Variants in MTDH observed in about 807,000 individuals in gnomAD.
MTDH encodes protein LYRIC.
In MTDH, 34 loss-of-function variants were observed where a neutral mutation model predicts 72.7. The ratio of observed to expected loss-of-function variants is 0.47; its 90% CI spans 0.36 to 0.62. The LOEUF is 0.62. Among genes scored for constraint, MTDH ranks in the 20% least tolerant of loss-of-function variants. The probability of loss-of-function intolerance (pLI) is 0.00; values close to 1 mark genes in which losing one functional copy is unlikely to be tolerated. For synonymous variants in MTDH, 266 were observed against 268.9 expected (o/e 0.99, Z 0.10); for missense variants, 677 against 699.4 (o/e 0.97, Z 0.36).
At chr8:97,697,150 A>ATATATATATATATTT in intron 6 of MTDH, among the ~76,000 whole-genome samples, 78 of 68,626 alleles carry the variant, frequency 1.1e-3, no homozygotes, top group East Asian at 0.01. Context: ...ATATATATAT[A>ATATATATATATATTT]TTTTTTTTTT....
chr8:97,665,357 T>G (rs1374043755), intron 2 of MTDH, among the ~76,000 whole-genome samples: 1 of 152,176 alleles, frequency 6.6e-6, no homozygotes, highest in African/African-American at 2.4e-5. Flanking sequence ...CAGTGTTTCA[T>G]TAGTACTAGT....
chr8:97,655,538 C>G (rs773187503), intron 1 of MTDH, among the ~76,000 whole-genome samples: 29 of 152,250 alleles, frequency 1.9e-4, no homozygotes, highest in Non-Finnish European at 3.8e-4. Context: ...TGATGGATGC[C>G]TGTCCAGGCC....
chr8:97,671,013 C>T (rs576509705), intron 2 of MTDH, among the ~76,000 whole-genome samples: 179 of 131,592 alleles, frequency 1.4e-3, no homozygotes, highest in Non-Finnish European at 2.2e-3. Flanking sequence ...GGCCGGACTG[C>T]GGACTGCAGT....
chr8:97,689,095 C>T lies in MTDH; in HGVS notation c.803C>T (p.Thr268Ile). The change falls in exon 5 of 12, where the codon ACA (threonine) becomes ATA (isoleucine). Residue 268 changes from threonine (T) to isoleucine (I), a missense_variant. Around this residue, in one of 3 missense-constraint regions of MTDH, gnomAD observed 467 missense variants for 469.1 expected, o/e 1.00. Transcript: ENST00000336273. ...SNFKSGKGDSTLQVSSGLNEN... is the reference protein window; with the variant it reads ...SNFKSGKGDSILQVSSGLNEN... ...TTTAAATCTGGAAAAGGAGATTCTACACTTCAGGGTGAGAGAAATTACATG... is the reference window on the plus strand; with the variant it reads ...TTTAAATCTGGAAAAGGAGATTCTATACTTCAGGGTGAGAGAAATTACATG... 1 of 1,577,018 alleles carries T rather than the reference C, an allele frequency of 6.3e-7. No individual in the cohort carries two copies. Among genetic ancestry groups the T allele is most frequent in the Non-Finnish European group, 8.7e-7 (1 of 1,153,692 alleles).
chr8:97,662,416 A>G (rs1812209338), intron 2 of MTDH, among the ~76,000 whole-genome samples: 1 of 151,838 alleles, frequency 6.6e-6, no homozygotes, highest in Non-Finnish European at 1.5e-5. Flanking sequence ...AAACAAAACA[A>G]GACAGTCACT....
intron 2 of MTDH, among the ~76,000 whole-genome samples, chr8:97,674,627 A>C (rs1413228355): frequency 6.6e-6 from 1 of 152,236 alleles, no homozygotes; most frequent in Non-Finnish European, 1.5e-5. Context: ...AAGCAATTTT[A>C]ATTTTATCAA....
At chr8:97,667,954 T>C (rs1812457068) in intron 2 of MTDH, among the ~76,000 whole-genome samples, 1 of 152,084 alleles carries the variant, frequency 6.6e-6, no homozygotes, top group Non-Finnish European at 1.5e-5. Context: ...AAATGTAATT[T>C]TAAAAAATAT....
chr8:97,644,909 G>T (rs781386880), intron 1 of MTDH, 22 bp downstream of exon 1: 23 of 1,516,460 alleles, frequency 1.5e-5, no homozygotes, highest in Non-Finnish European at 1.8e-5. Context: ...ATGAGCGGCA[G>T]TAGAGAACGG....
At chr8:97,673,570 G>A (rs935924043) in intron 2 of MTDH, among the ~76,000 whole-genome samples, 13 of 151,394 alleles carry the variant, frequency 8.6e-5, no homozygotes, top group African/African-American at 3.2e-4. Context: ...TGAGGCAGGA[G>A]AATCATTTGA....
At chr8:97,659,897 G>A (rs1812113878) in intron 1 of MTDH, among the ~76,000 whole-genome samples, 1 of 152,168 alleles carries the variant, frequency 6.6e-6, no homozygotes, top group African/African-American at 2.4e-5. Context: ...GGTGGCTCAC[G>A]CCTGTAATCC....
chr8:97,670,609 C>T (rs923844590), intron 2 of MTDH, among the ~76,000 whole-genome samples: 2 of 152,150 alleles, frequency 1.3e-5, no homozygotes, highest in South Asian at 2.1e-4. Context: ...GGTGACAGAG[C>T]GAGACTCCGT....
At chr8:97,668,246 C>A (rs1239255671) in intron 2 of MTDH, among the ~76,000 whole-genome samples, 1 of 152,024 alleles carries the variant, frequency 6.6e-6, no homozygotes, top group Admixed American at 6.5e-5. Flanking sequence ...CAAATCGCAT[C>A]ACTATACTCC....
In MTDH at chr8:97,671,792, C is replaced by T. The variant is rs144219787; in HGVS notation, c.483+10619C>T. Reference sequence around the variant, plus strand: ...CCAGGAGGCAGAGGTTGCAGTGAGCCGAGATCGTGCCACTGCCCTCCAGCC... The same window carrying T: ...CCAGGAGGCAGAGGTTGCAGTGAGCTGAGATCGTGCCACTGCCCTCCAGCC... On this transcript the variant is annotated intron_variant, in intron 2 of 11. Transcript: ENST00000336273. Among the ~76,000 whole-genome samples the T allele has an allele frequency of 2.7e-3, 413 of 152,086 alleles. 2 individuals carry two copies. The highest frequency in any genetic ancestry group is 9.4e-3 in the African/African-American group (389 of 41,480).
At chr8:97,672,307 C>G (rs1340232878) in intron 2 of MTDH, among the ~76,000 whole-genome samples, 4 of 152,122 alleles carry the variant, frequency 2.6e-5, no homozygotes, top group Non-Finnish European at 5.9e-5. Context: ...TTTCCCCCTT[C>G]CTGAACCTAT....
rs1174573079 is a variant in MTDH at position 97,708,581 on chromosome 8, CTTTTTTTTTTTTTTTTTTTT to C, written c.1272+1850_1272+1869del. 3.0e-4 allele frequency among the ~76,000 whole-genome samples: 9 copies of C among 30,258 alleles called. No homozygotes were observed. The East Asian group carries it at 5.4e-3, about 18-fold the overall frequency. The allele number at this position is 30,258 out of a possible 152,430, so 19.9% of individuals were successfully genotyped here. On this transcript the variant is annotated intron_variant, in intron 8 of 11. Coordinates refer to ENST00000336273, the MANE Select transcript of MTDH (RefSeq NM_178812.4). ...ACAGGCATGAGCCACCATGCCAGGC[CTTTTTTTTTTTTTTTTTTTT>C]TTTTTTTTTTTTTTTTTTGAGATGG... is the stretch of plus-strand genomic sequence containing the variant.
chr8:97,712,074 G>A (rs1814661760), intron 8 of MTDH, among the ~76,000 whole-genome samples: 1 of 152,226 alleles, frequency 6.6e-6, no homozygotes, highest in Non-Finnish European at 1.5e-5. Flanking sequence ...GTCTTGCTCT[G>A]TTACCCAGGC....
At chr8:97,697,150 A>ATATATTTTTTTTTTTT in intron 6 of MTDH, among the ~76,000 whole-genome samples, 6 of 68,792 alleles carry the variant, frequency 8.7e-5, no homozygotes, top group African/African-American at 5.5e-4. Context: ...ATATATATAT[A>ATATATTTTTTTTTTTT]TTTTTTTTTT....
At chr8:97,702,247 G>T (rs1814161905) in intron 7 of MTDH, among the ~76,000 whole-genome samples, 1 of 152,174 alleles carries the variant, frequency 6.6e-6, no homozygotes, top group Admixed American at 6.5e-5. Context: ...ATGTTGAATA[G>T]AACTTTTTCT....
intron 7 of MTDH, among the ~76,000 whole-genome samples, chr8:97,701,474 G>A (rs943516855): frequency 3.3e-5 from 5 of 151,948 alleles, no homozygotes; most frequent in African/African-American, 1.2e-4. Flanking sequence ...TTTTTTTCCT[G>A]AATATTTTTG....
Sources: gnomAD v4.1 joint callset for allele counts (sites outside exome capture counted in the v4.1 genomes callset) on GRCh38, gnomAD v4.1.1 for gene constraint, gnomAD v4.1.1 regional missense constraint, MANE v1.5 for transcripts, NCBI Gene and HGNC (gene_info 2026-07-23, HGNC 2026-07-21) for gene names.